The following MED16 variants were observed in gnomAD, a reference collection of about 807,000 sequenced individuals.
MED16 encodes mediator complex subunit 16.
A neutral mutation model predicts 84.4 loss-of-function variants in MED16; 81 were observed. The observed-to-expected ratio is 0.96, with a 90% confidence interval of 0.80 to 1.15. The LOEUF (loss-of-function observed/expected upper bound fraction) is 1.15, where lower values mean the gene tolerates loss of function less well. MED16 is among the 50% of genes most tolerant of loss of function. The pLI is 0.00. For synonymous variants in MED16, 897 were observed against 552.2 expected (o/e 1.62, Z -8.76); for missense variants, 1,585 against 1,245.9 (o/e 1.27, Z -4.10).
At chr19:869,736 C>T (rs956408740) in intron 13 of MED16, among the ~76,000 whole-genome samples, 2 of 152,192 alleles carry the variant, frequency 1.3e-5, no homozygotes, top group Non-Finnish European at 2.9e-5. Flanking sequence ...AGGTTCACTT[C>T]ATTTTCTTCC....
chr19:880,552 C>T (rs777881921), intron 7 of MED16, among the ~76,000 whole-genome samples: 32 of 151,652 alleles, frequency 2.1e-4, no homozygotes, highest in Admixed American at 5.9e-4. Context: ...TGCCATTGTA[C>T]GAGGGCCGGG....
intron 1 of MED16, 31 bp from the exon 2 acceptor site, chr19:891,180 T>C (rs572757509): frequency 1.9e-6 from 3 of 1,576,608 alleles, no homozygotes; most frequent in African/African-American, 1.3e-5. Flanking sequence ...GGGACGTCTA[T>C]GTTGGCTGAG....
chr19:882,316 T>C (rs1351113997), intron 6 of MED16, among the ~76,000 whole-genome samples: 2 of 152,140 alleles, frequency 1.3e-5, no homozygotes, highest in Non-Finnish European at 2.9e-5. Flanking sequence ...AAGACCAGCC[T>C]GGACAACACA....
chr19:890,580 C>T (rs1314297415), intron 2 of MED16, among the ~76,000 whole-genome samples: 1 of 152,148 alleles, frequency 6.6e-6, no homozygotes, highest in Non-Finnish European at 1.5e-5. Flanking sequence ...CTCTAATGAC[C>T]ACGTATTATG....
At chr19:877,843 A>G (rs1258415146) in intron 8 of MED16, among the ~76,000 whole-genome samples, 34 of 65,434 alleles carry the variant, frequency 5.2e-4, no homozygotes, top group East Asian at 2.6e-3. Flanking sequence ...ATGCCCACCA[A>G]GCCCAGCCCC....
chr19:873,323 GTAGGGGCGGGAC>G (rs2036142168), intron 11 of MED16, 114 bp downstream of exon 11: 1 of 921,062 alleles, frequency 1.1e-6, no homozygotes, highest in African/African-American at 2.3e-5. Context: ...GGGACTCCAA[GTAGGGGCGGGAC>G]TCCAACTAGG....
chr19:878,745 C>A (rs2036333863), intron 8 of MED16, among the ~76,000 whole-genome samples: 1 of 146,178 alleles, frequency 6.8e-6, no homozygotes, highest in Non-Finnish European at 1.5e-5. Context: ...CAGGGCCAGC[C>A]CCACGTGCCC....
intron 6 of MED16, among the ~76,000 whole-genome samples, chr19:883,880 G>A (rs1034723218): frequency 1.3e-4 from 20 of 152,206 alleles, no homozygotes; most frequent in Middle Eastern, 3.4e-3. Flanking sequence ...GGGACCGGGC[G>A]AAGGAACGAG....
intron 4 of MED16, among the ~76,000 whole-genome samples, chr19:887,218 G>T (rs1199583805): frequency 6.6e-6 from 1 of 152,162 alleles, no homozygotes. Flanking sequence ...CAAGAAGCAG[G>T]TCCAGAAGTC....
intron 13 of MED16, among the ~76,000 whole-genome samples, chr19:870,195 AG>A (rs1486295878): frequency 6.6e-6 from 1 of 152,112 alleles, no homozygotes; most frequent in African/African-American, 2.4e-5. Flanking sequence ...CCTGACATCC[AG>A]GGGGGCCAGA....
Position 873,576 on chromosome 19 carries a change from T to C in MED16, c.1778A>G (p.Asp593Gly). The C allele has an allele frequency of 6.2e-7, 1 of 1,612,286 alleles. No individual in the cohort carries two copies. Among genetic ancestry groups the C allele is most frequent in the Non-Finnish European group, 8.5e-7 (1 of 1,179,646 alleles). The change falls in exon 11 of 16, where the codon GAC becomes GGC. Residue 593 changes from aspartate to glycine, a missense_variant. Coordinates refer to ENST00000325464, the MANE Select transcript of MED16 (RefSeq NM_005481.3). ...CGTCTTGAGGTTGATCATGACCTTG[T>C]CAATGTCTACAAGGAGACGTGGGTC... is the stretch of plus-strand genomic sequence containing the variant. ...ICTKITDVDI[D>G]KVMINLKTEE...
intron 6 of MED16, among the ~76,000 whole-genome samples, chr19:884,097 C>G (rs1331052552): frequency 6.6e-6 from 1 of 152,168 alleles, no homozygotes; most frequent in Non-Finnish European, 1.5e-5. Flanking sequence ...CCTGCCCCAC[C>G]TGCCCCACGT....
At chr19:887,060 C>T (rs947592725) in intron 4 of MED16, among the ~76,000 whole-genome samples, 5 of 149,314 alleles carry the variant, frequency 3.3e-5, no homozygotes, top group African/African-American at 9.9e-5. Flanking sequence ...GCCTGGGCAA[C>T]GAGAGCAAAA....
Position 891,070 on chromosome 19 carries a change from C to T in MED16, c.62G>A (p.Trp21Ter). 1.9e-6 allele frequency: 3 copies of T among 1,614,104 alleles called. No individual in the cohort carries two copies. The highest frequency in any genetic ancestry group is 2.2e-5 in the South Asian group (2 of 91,082). The change falls in exon 2 of 16, where the codon TGG (tryptophan) becomes TAG (stop). Residue 21 changes from tryptophan (W) to a stop codon, truncating the protein, a stop_gained. Coordinates refer to ENST00000325464, the MANE Select transcript of MED16 (RefSeq NM_005481.3). LOFTEE classifies it high-confidence loss of function. ...GTGGGTGCTCTTGGACCATTTCTCC[C>T]ACTCACAGACGTAGGCCAAGTCCAT... ...GMMDLAYVCE[W>*]EKWSKSTHCP...
intron 1 of MED16, 143 bp from the exon 2 acceptor site, chr19:891,292 G>C: frequency 2.5e-6 from 2 of 786,738 alleles, no homozygotes; most frequent in Non-Finnish European, 4.0e-6. Flanking sequence ...GACAGAGCCT[G>C]GGGCTGGGGC....
At chr19:884,674 G>A (rs759719220) in intron 6 of MED16, among the ~76,000 whole-genome samples, 15 of 152,202 alleles carry the variant, frequency 9.9e-5, no homozygotes, top group Non-Finnish European at 1.9e-4. Context: ...GGCAGCCGCC[G>A]CAGCGGGCGT....
At chr19:879,367 AC>A (rs2036355631) in intron 8 of MED16, among the ~76,000 whole-genome samples, 1 of 142,348 alleles carries the variant, frequency 7.0e-6, no homozygotes, top group African/African-American at 2.7e-5. Context: ...GTCAATGCCC[AC>A]CAGCCCCAGC....
At chr19:886,749 C>T (rs556782345) in intron 4 of MED16, among the ~76,000 whole-genome samples, 91 of 152,354 alleles carry the variant, frequency 6.0e-4, no homozygotes, top group Non-Finnish European at 1.1e-3. Flanking sequence ...CATACGGAAA[C>T]ATCCACCCTT....
At chr19:879,297 G>A (rs2036353626) in intron 8 of MED16, among the ~76,000 whole-genome samples, 4 of 145,396 alleles carry the variant, frequency 2.8e-5, no homozygotes, top group African/African-American at 5.1e-5. Context: ...ACCTTCCCAT[G>A]GTTGTCAATG....
Sources: allele counts gnomAD v4.1 joint callset (sites outside exome capture counted in the v4.1 genomes callset), GRCh38; gene constraint gnomAD v4.1.1; transcripts MANE v1.5; gene names NCBI Gene and HGNC (gene_info 2026-07-23, HGNC 2026-07-21).